Variants in UNC13B observed in about 807,000 individuals in gnomAD.
The protein encoded by UNC13B is unc-13 homolog B, also known as protein unc-13 homolog B.
UNC13B carries 144 observed loss-of-function variants against 211.0 expected under a neutral mutation model. The observed-to-expected ratio is 0.68, with a 90% confidence interval of 0.60 to 0.78. The LOEUF (loss-of-function observed/expected upper bound fraction) is 0.78, where lower values mean the gene tolerates loss of function less well. UNC13B is among the 30% of genes least tolerant of loss of function. UNC13B has a pLI of 0.00. For missense variants in UNC13B, 1,777 were observed against 2,002.0 expected, an observed-to-expected ratio of 0.89 and a Z score of 2.14; for synonymous variants, 709 against 725.8, an observed-to-expected ratio of 0.98 and a Z score of 0.37.
At chr9:35,219,931 C>G (rs748215359) in intron 1 of UNC13B, among the ~76,000 whole-genome samples, 1 of 151,996 alleles carries the variant, frequency 6.6e-6, no homozygotes, top group Non-Finnish European at 1.5e-5. Flanking sequence ...TATTCATTCT[C>G]TTATTTTTTT....
chr9:35,377,358 C>A, intron 15 of UNC13B, 110 bp from the exon 16 acceptor site: 1 of 1,136,654 alleles, frequency 8.8e-7, no homozygotes. Context: ...GAACTAGCAA[C>A]CAGGCTGGCT....
At chr9:35,181,662 C>T (rs1821946828) in intron 1 of UNC13B, among the ~76,000 whole-genome samples, 1 of 151,970 alleles carries the variant, frequency 6.6e-6, no homozygotes, top group Non-Finnish European at 1.5e-5. Flanking sequence ...CATGGTGAAA[C>T]CCTGTCTTTA....
intron 1 of UNC13B, among the ~76,000 whole-genome samples, chr9:35,199,790 T>G (rs961281288): frequency 2.0e-5 from 3 of 152,194 alleles, no homozygotes; most frequent in African/African-American, 7.2e-5. Context: ...TTCTGTAGGT[T>G]GCCTGTTCAC....
chr9:35,293,234 ATGT>A, intron 7 of UNC13B, among the ~76,000 whole-genome samples: 1 of 152,130 alleles, frequency 6.6e-6, no homozygotes, highest in East Asian at 1.9e-4. Context: ...TAGTGTAGAA[ATGT>A]TGTTAGCCTT....
intron 26 of UNC13B, among the ~76,000 whole-genome samples, chr9:35,391,646 T>C (rs1835543626): frequency 6.6e-6 from 1 of 152,202 alleles, no homozygotes; most frequent in South Asian, 2.1e-4. Context: ...GAGGAGGTCA[T>C]TGGTCTCTCC....
intron 7 of UNC13B, among the ~76,000 whole-genome samples, chr9:35,282,090 A>T (rs903152145): frequency 6.6e-6 from 1 of 152,238 alleles, no homozygotes; most frequent in African/African-American, 2.4e-5. Context: ...GATAGCAGTG[A>T]TTATAGTGAT....
At chr9:35,190,195 A>C (rs1822576375) in intron 1 of UNC13B, among the ~76,000 whole-genome samples, 1 of 152,188 alleles carries the variant, frequency 6.6e-6, no homozygotes. Flanking sequence ...ATTTCAAGGC[A>C]ACCCAAAGCC....
At chr9:35,323,340 G>T (rs1564136115) in intron 11 of UNC13B, among the ~76,000 whole-genome samples, 1 of 152,112 alleles carries the variant, frequency 6.6e-6, no homozygotes, top group African/African-American at 2.4e-5. Flanking sequence ...TCTTTCTGTA[G>T]ATGTGTTATA....
At chr9:35,276,736 C>G (rs953769655) in intron 7 of UNC13B, among the ~76,000 whole-genome samples, 1 of 152,118 alleles carries the variant, frequency 6.6e-6, no homozygotes, top group Non-Finnish European at 1.5e-5. Context: ...TCCGGGATAA[C>G]TAGTCTTCAC....
chr9:35,216,176 A>G (rs1824233707), intron 1 of UNC13B, among the ~76,000 whole-genome samples: 1 of 152,224 alleles, frequency 6.6e-6, no homozygotes, highest in Admixed American at 6.5e-5. Context: ...ATCTCAACAG[A>G]TGCAGAAAAA....
At chr9:35,234,655 A>G (rs1416750030) in intron 3 of UNC13B, among the ~76,000 whole-genome samples, 4 of 152,178 alleles carry the variant, frequency 2.6e-5, no homozygotes, top group Non-Finnish European at 4.4e-5. Context: ...ACTGAGTCCT[A>G]TATTATGTTT....
At chr9:35,389,772 G>A (rs1356829376) in intron 24 of UNC13B, 74 bp from the exon 25 acceptor site, 7 of 1,535,570 alleles carry the variant, frequency 4.6e-6, no homozygotes, top group Non-Finnish European at 6.3e-6. Context: ...AAGAGAAAGA[G>A]GATCGTTGGA....
intron 1 of UNC13B, among the ~76,000 whole-genome samples, chr9:35,171,623 C>T (rs1410426013): frequency 1.3e-5 from 2 of 152,092 alleles, no homozygotes; most frequent in African/African-American, 2.4e-5. Context: ...AGGCTGGTGT[C>T]GAACTCCTGG....
At chr9:35,286,423 A>C (rs1587543136) in intron 7 of UNC13B, among the ~76,000 whole-genome samples, 1 of 151,420 alleles carries the variant, frequency 6.6e-6, no homozygotes, top group African/African-American at 2.4e-5. Context: ...AGTAGAGAAG[A>C]GGTTTCACTA....
At chr9:35,323,266 C>G (rs548349091) in intron 11 of UNC13B, among the ~76,000 whole-genome samples, 2 of 152,164 alleles carry the variant, frequency 1.3e-5, no homozygotes, top group Non-Finnish European at 1.5e-5. Context: ...ACTCTATTAA[C>G]AGCTGCATAG....
intron 6 of UNC13B, among the ~76,000 whole-genome samples, chr9:35,256,529 C>T: frequency 6.6e-6 from 1 of 151,994 alleles, no homozygotes; most frequent in Non-Finnish European, 1.5e-5. Context: ...ATTTTTTAAG[C>T]ATTTTTGTCA....
intron 1 of UNC13B, among the ~76,000 whole-genome samples, chr9:35,207,761 T>C (rs1823749952): frequency 6.6e-6 from 1 of 152,204 alleles, no homozygotes; most frequent in South Asian, 2.1e-4. Flanking sequence ...GATACAAAAC[T>C]CTTATTAGAT....
chr9:35,310,917 G>A, intron 10 of UNC13B, 136 bp downstream of exon 10: 2 of 760,988 alleles, frequency 2.6e-6, no homozygotes, highest in South Asian at 1.9e-5. Context: ...GCTCAACTCT[G>A]TATTGCTTCC....
At chr9:35,398,835 AGT>A (rs751719322) in intron 32 of UNC13B, 45 bp from the exon 33 acceptor site, 3 of 1,597,512 alleles carry the variant, frequency 1.9e-6, no homozygotes, top group Non-Finnish European at 1.7e-6. Flanking sequence ...CTCCAGGGAC[AGT>A]GTGTGTTTGG....
Sources: gnomAD v4.1 joint callset for allele counts (sites outside exome capture counted in the v4.1 genomes callset) on GRCh38, gnomAD v4.1.1 for gene constraint, MANE v1.5 for transcripts, NCBI Gene and HGNC (gene_info 2026-07-23, HGNC 2026-07-21) for gene names.